The following SLC39A11 variants were observed in gnomAD, a reference collection of about 807,000 sequenced individuals.
The protein encoded by SLC39A11 is solute carrier family 39 member 11, also known as zinc transporter ZIP11.
Under a neutral mutation model 36.1 loss-of-function variants are expected in SLC39A11, and 33 were observed. The ratio of observed to expected loss-of-function variants is 0.91; its 90% CI spans 0.69 to 1.22. SLC39A11 has a LOEUF of 1.22. Ranked by LOEUF, SLC39A11 falls within the 50% of genes most tolerant of loss-of-function variation. The probability of loss-of-function intolerance (pLI) is 0.00; values close to 1 mark genes in which losing one functional copy is unlikely to be tolerated. For synonymous variants in SLC39A11, 166 were observed against 170.3 expected (o/e 0.97, Z 0.20); for missense variants, 432 against 430.3 (o/e 1.00, Z -0.03).
chr17:72,723,942 A>C (rs1201742640), intron 7 of SLC39A11, among the ~76,000 whole-genome samples: 1 of 152,200 alleles, frequency 6.6e-6, no homozygotes, highest in Non-Finnish European at 1.5e-5. Flanking sequence ...TGTATTTGTC[A>C]GCACAGAACT....
chr17:72,960,486 T>C (rs2086538646), intron 4 of SLC39A11, among the ~76,000 whole-genome samples: 1 of 151,976 alleles, frequency 6.6e-6, no homozygotes, highest in Admixed American at 6.6e-5. Context: ...AAGAAGGTAA[T>C]TTTTCTATAA....
intron 6 of SLC39A11, among the ~76,000 whole-genome samples, chr17:72,790,586 C>T (rs1010335143): frequency 4.6e-5 from 7 of 151,504 alleles, no homozygotes; most frequent in African/African-American, 1.7e-4. Flanking sequence ...GGCTGGAGTG[C>T]AGTGGTACGA....
At chr17:72,709,271 G>A (rs1020904473) in intron 7 of SLC39A11, among the ~76,000 whole-genome samples, 4 of 152,190 alleles carry the variant, frequency 2.6e-5, no homozygotes, top group Non-Finnish European at 5.9e-5. Flanking sequence ...CTTGCCTGAT[G>A]AGGAAATAGC....
chr17:72,650,542 C>G (rs1034785570), intron 7 of SLC39A11, among the ~76,000 whole-genome samples: 4 of 152,084 alleles, frequency 2.6e-5, no homozygotes, highest in African/African-American at 7.2e-5. Flanking sequence ...TTAGGAAGGC[C>G]CTTTTGCACG....
intron 5 of SLC39A11, among the ~76,000 whole-genome samples, chr17:72,896,362 C>T (rs879398062): frequency 2.0e-5 from 3 of 151,754 alleles, no homozygotes; most frequent in African/African-American, 4.8e-5. Flanking sequence ...CCACCACACC[C>T]GGCTAATTTT....
intron 5 of SLC39A11, among the ~76,000 whole-genome samples, chr17:72,922,960 C>CAAAAAAAAAAAAAA (rs10645750): frequency 1.6e-4 from 7 of 44,078 alleles, no homozygotes; most frequent in African/African-American, 2.8e-4. Flanking sequence ...GACTCCTTCT[C>CAAAAAAAAAAAAAA]AAAAAAAAAA....
chr17:72,693,820 G>A (rs1281374032), intron 7 of SLC39A11, among the ~76,000 whole-genome samples: 1 of 152,082 alleles, frequency 6.6e-6, no homozygotes. Flanking sequence ...CCACCACCAC[G>A]CCTGGCTAAT....
chr17:72,812,846 G>A (rs2077473953), intron 6 of SLC39A11, among the ~76,000 whole-genome samples: 1 of 152,144 alleles, frequency 6.6e-6, no homozygotes, highest in South Asian at 2.1e-4. Context: ...GTTTTCATAA[G>A]CTCAGCATCC....
chr17:72,900,164 A>G (rs1401355960), intron 5 of SLC39A11, among the ~76,000 whole-genome samples: 1 of 97,428 alleles, frequency 1.0e-5, no homozygotes, highest in South Asian at 3.4e-4. Context: ...AAAGAAAGAA[A>G]GAAAGAAAGA....
intron 4 of SLC39A11, among the ~76,000 whole-genome samples, chr17:72,950,100 G>A (rs958791650): frequency 2.0e-5 from 3 of 152,040 alleles, no homozygotes; most frequent in African/African-American, 7.2e-5. Flanking sequence ...TGTTGAAAAT[G>A]AACACATATG....
chr17:72,730,033 A>T (rs1223086427), intron 7 of SLC39A11, among the ~76,000 whole-genome samples: 1 of 152,224 alleles, frequency 6.6e-6, no homozygotes, highest in Non-Finnish European at 1.5e-5. Flanking sequence ...TCTCTGTGGC[A>T]GAGCACTCTA....
intron 7 of SLC39A11, among the ~76,000 whole-genome samples, chr17:72,688,101 C>T (rs900591189): frequency 3.9e-5 from 6 of 152,186 alleles, no homozygotes; most frequent in African/African-American, 1.4e-4. Context: ...GGCTGATTAA[C>T]GACTACGAAC....
intron 5 of SLC39A11, among the ~76,000 whole-genome samples, chr17:72,889,020 A>G (rs1450435780): frequency 6.6e-5 from 10 of 152,314 alleles, no homozygotes; most frequent in African/African-American, 1.2e-4. Context: ...GACTCAAGCA[A>G]AATTCTACTA....
At chr17:72,963,496 A>T (rs9891758) in intron 4 of SLC39A11, among the ~76,000 whole-genome samples, 56 of 152,104 alleles carry the variant, frequency 3.7e-4, no homozygotes, top group African/African-American at 1.3e-3. Context: ...CTTAAGGGCC[A>T]TCTCAGATCT....
At chr17:72,826,385 CT>C (rs1407310005) in intron 6 of SLC39A11, among the ~76,000 whole-genome samples, 2 of 152,272 alleles carry the variant, frequency 1.3e-5, no homozygotes, top group Non-Finnish European at 1.5e-5. Flanking sequence ...ACCTCTTTTC[CT>C]TATAAATTAC....
At chr17:72,902,308 G>A (rs945965186) in intron 5 of SLC39A11, among the ~76,000 whole-genome samples, 2 of 151,932 alleles carry the variant, frequency 1.3e-5, no homozygotes, top group African/African-American at 4.8e-5. Context: ...AAAGGAAGAG[G>A]AGAGGACACA....
At chr17:72,750,497 G>A (rs897651682) in intron 6 of SLC39A11, among the ~76,000 whole-genome samples, 2 of 108,250 alleles carry the variant, frequency 1.8e-5, no homozygotes, top group African/African-American at 3.5e-5. Context: ...TAAAAAAACT[G>A]GAGGAAAGGA....
At chr17:73,056,147 T>C (rs1329256287) in intron 3 of SLC39A11, among the ~76,000 whole-genome samples, 1 of 150,652 alleles carries the variant, frequency 6.6e-6, no homozygotes, top group African/African-American at 2.4e-5. Flanking sequence ...TGAATGCCTC[T>C]CAGATTGGAC....
At chr17:72,996,688 C>T (rs190476795) in intron 4 of SLC39A11, among the ~76,000 whole-genome samples, 60 of 152,316 alleles carry the variant, frequency 3.9e-4, no homozygotes, top group African/African-American at 1.2e-3. Context: ...TACTCTAGTA[C>T]GACCTCATCT....
Sources: gnomAD v4.1 joint callset for allele counts (sites outside exome capture counted in the v4.1 genomes callset) on GRCh38, gnomAD v4.1.1 for gene constraint, MANE v1.5 for transcripts, NCBI Gene and HGNC (gene_info 2026-07-23, HGNC 2026-07-21) for gene names.